The following ENOX1 variants were observed in gnomAD, a reference collection of about 807,000 sequenced individuals.
ENOX1 encodes ecto-NOX disulfide-thiol exchanger 1, also known as candidate growth-related and time keeping constitutive hydroquinone (NADH) oxidase.
In ENOX1, 42 loss-of-function variants were observed where a neutral mutation model predicts 82.5. The observed-to-expected ratio is 0.51, with a 90% CI of 0.40 to 0.66. ENOX1 has a LOEUF of 0.66. Among genes scored for constraint, ENOX1 ranks in the 30% least tolerant of loss-of-function variants. ENOX1 has a pLI of 0.00. For missense variants in ENOX1, 608 were observed against 811.6 expected, an observed-to-expected ratio of 0.75 and a Z score of 3.05; for synonymous variants, 271 against 282.2, an observed-to-expected ratio of 0.96 and a Z score of 0.40.
chr13:43,340,966 C>T (rs1391935680), intron 9 of ENOX1, among the ~76,000 whole-genome samples: 2 of 152,250 alleles, frequency 1.3e-5, no homozygotes, highest in South Asian at 2.1e-4. Flanking sequence ...ATCATGAAAT[C>T]ACTACTCATT....
intron 1 of ENOX1, among the ~76,000 whole-genome samples, chr13:43,696,754 G>A (rs560617835): frequency 2.7e-5 from 4 of 149,290 alleles, no homozygotes; most frequent in African/African-American, 7.4e-5. Flanking sequence ...AATTCAAGAC[G>A]TACGTAAATA....
intron 15 of ENOX1, among the ~76,000 whole-genome samples, chr13:43,227,151 T>C (rs935648107): frequency 2.6e-5 from 4 of 152,114 alleles, no homozygotes; most frequent in Non-Finnish European, 5.9e-5. Flanking sequence ...GAGAGGTTGA[T>C]AACCCTTAGC....
chr13:43,656,914 A>G (rs1290526238), intron 2 of ENOX1, among the ~76,000 whole-genome samples: 6 of 152,176 alleles, frequency 3.9e-5, no homozygotes, highest in Non-Finnish European at 8.8e-5. Context: ...AAGTTTCAAA[A>G]CACAATCTAT....
At chr13:43,734,792 C>T (rs954852356) in intron 1 of ENOX1, among the ~76,000 whole-genome samples, 5 of 152,132 alleles carry the variant, frequency 3.3e-5, no homozygotes, top group African/African-American at 4.8e-5. Context: ...TTCTGGTTTG[C>T]TCGGTTTGGA....
chr13:43,326,308 A>G, intron 10 of ENOX1, 111 bp downstream of exon 10: 1 of 838,742 alleles, frequency 1.2e-6, no homozygotes, highest in Non-Finnish European at 1.9e-6. Context: ...AGATCAGACA[A>G]TGGCAGGCGG....
chr13:43,702,042 C>T (rs1033960221), intron 1 of ENOX1, among the ~76,000 whole-genome samples: 5 of 152,164 alleles, frequency 3.3e-5, no homozygotes, highest in Non-Finnish European at 5.9e-5. Flanking sequence ...ATGTGTTCTC[C>T]ATCTCTATAA....
At chr13:43,339,704 T>A (rs1181238830) in intron 9 of ENOX1, among the ~76,000 whole-genome samples, 1 of 152,074 alleles carries the variant, frequency 6.6e-6, no homozygotes, top group Non-Finnish European at 1.5e-5. Context: ...ACTAAGGAGA[T>A]CCTTTATGTG....
intron 2 of ENOX1, among the ~76,000 whole-genome samples, chr13:43,623,792 G>C (rs1320426759): frequency 6.6e-6 from 1 of 152,118 alleles, no homozygotes; most frequent in Non-Finnish European, 1.5e-5. Context: ...ACTATTCTAT[G>C]ATATGTGTAT....
At position 43,244,737 on chromosome 13, in the gene ENOX1, G is replaced by C. The variant is rs537461212; in HGVS notation, c.1612-7999C>G. Among the ~76,000 whole-genome samples the C allele has an allele frequency of 2.0e-5, 3 of 152,192 alleles. No individual in the cohort carries two copies. In the South Asian group the frequency reaches 6.2e-4, roughly 32 times the overall value. On this transcript the variant is annotated intron_variant, in intron 14 of 16. Coordinates refer to ENST00000690772, the MANE Select transcript of ENOX1 (RefSeq NM_001347969.2). Reference sequence around the variant, plus strand: ...CTAGTGCAAGATGAGTGGGACAGTCGACAAGATCTATGTGGTAAAGATTCT... The same window carrying C: ...CTAGTGCAAGATGAGTGGGACAGTCCACAAGATCTATGTGGTAAAGATTCT...
At chr13:43,640,878 A>ACGCGCACACACACACGTACACACACACG (rs2083609154) in intron 2 of ENOX1, among the ~76,000 whole-genome samples, 1 of 137,728 alleles carries the variant, frequency 7.3e-6, no homozygotes, top group Admixed American at 7.8e-5. Flanking sequence ...ATGCACACAC[A>ACGCGCACACACACACGTACACACACACG]CACGCGCACA....
At chr13:43,290,249 A>T (rs1402746263) in intron 12 of ENOX1, among the ~76,000 whole-genome samples, 1 of 152,222 alleles carries the variant, frequency 6.6e-6, no homozygotes, top group Non-Finnish European at 1.5e-5. Context: ...CAAAGAAATC[A>T]TTCTACCAAA....
intron 5 of ENOX1, among the ~76,000 whole-genome samples, chr13:43,386,958 C>G (rs1275703732): frequency 6.6e-6 from 1 of 152,056 alleles, no homozygotes; most frequent in Non-Finnish European, 1.5e-5. Context: ...TGTTGAAAAA[C>G]AACTCCAATG....
chr13:43,400,070 C>A (rs1352494395), intron 5 of ENOX1, among the ~76,000 whole-genome samples: 1 of 152,130 alleles, frequency 6.6e-6, no homozygotes. Flanking sequence ...ATTCTCACCA[C>A]CTGTTAAAAT....
chr13:43,405,678 G>A (rs1357734998), intron 5 of ENOX1, among the ~76,000 whole-genome samples: 2 of 152,164 alleles, frequency 1.3e-5, no homozygotes, highest in Non-Finnish European at 2.9e-5. Context: ...ACAATGAAAT[G>A]TCTCATGAAT....
chr13:43,275,938 T>C (rs961735265), intron 12 of ENOX1, among the ~76,000 whole-genome samples: 2 of 152,172 alleles, frequency 1.3e-5, no homozygotes, highest in Non-Finnish European at 2.9e-5. Context: ...GAGAATGAGC[T>C]CAGGGGATCC....
At chr13:43,280,341 CT>C (rs1442466750) in intron 12 of ENOX1, among the ~76,000 whole-genome samples, 1 of 152,182 alleles carries the variant, frequency 6.6e-6, no homozygotes, top group Non-Finnish European at 1.5e-5. Context: ...TTGGAGGTAC[CT>C]TTTGCAAGCG....
At chr13:43,355,443 T>C (rs116068795) in intron 8 of ENOX1, among the ~76,000 whole-genome samples, 1,787 of 152,308 alleles carry the variant, frequency 0.012, 45 homozygotes, top group African/African-American at 0.041. Context: ...CCTAGTACCA[T>C]GTCTGCTGTT....
chr13:43,729,442 G>A (rs556634766), intron 1 of ENOX1, among the ~76,000 whole-genome samples: 3 of 151,660 alleles, frequency 2.0e-5, no homozygotes, highest in East Asian at 1.9e-4. Flanking sequence ...ATTCATATAC[G>A]ACAGACAAAA....
intron 3 of ENOX1, among the ~76,000 whole-genome samples, chr13:43,466,273 C>T (rs1300591139): frequency 6.6e-6 from 1 of 152,058 alleles, no homozygotes; most frequent in African/African-American, 2.4e-5. Context: ...TAAAAATCCA[C>T]TAAGGATTTA....
Sources: gnomAD v4.1 joint callset for allele counts (sites outside exome capture counted in the v4.1 genomes callset) on GRCh38, gnomAD v4.1.1 for gene constraint, MANE v1.5 for transcripts, NCBI Gene and HGNC (gene_info 2026-07-23, HGNC 2026-07-21) for gene names.